Variants in DLG2 observed in about 807,000 individuals in gnomAD.
DLG2 encodes the protein disks large homolog 2.
Under a neutral mutation model 132.5 loss-of-function variants are expected in DLG2, and 45 were observed. That is an observed-to-expected ratio of 0.34 (90% CI 0.27 to 0.44). The LOEUF (loss-of-function observed/expected upper bound fraction) is 0.44. Ranked by LOEUF, DLG2 falls within the 20% of genes least tolerant of loss-of-function variation. The pLI, the probability that DLG2 is intolerant of heterozygous loss-of-function variation, is 1.00. For missense variants in DLG2, 1,045 were observed against 1,196.9 expected (o/e 0.87, Z 1.87); for synonymous variants, 424 against 419.6 (o/e 1.01, Z -0.13).
At chr11:85,611,601 C>T (rs2081003659) in intron 2 of DLG2, among the ~76,000 whole-genome samples, 1 of 152,234 alleles carries the variant, frequency 6.6e-6, no homozygotes, top group African/African-American at 2.4e-5. Context: ...ACCTCTTCCC[C>T]CAGGGACCAG....
chr11:85,139,617 C>G (rs1299990640), intron 5 of DLG2, among the ~76,000 whole-genome samples: 1 of 151,614 alleles, frequency 6.6e-6, no homozygotes, highest in African/African-American at 2.4e-5. Flanking sequence ...ATATAGTTAC[C>G]CATTTTTTGT....
At chr11:85,353,500 A>G (rs1218764376) in intron 3 of DLG2, among the ~76,000 whole-genome samples, 1 of 152,254 alleles carries the variant, frequency 6.6e-6, no homozygotes, top group African/African-American at 2.4e-5. Context: ...ATATAACCAA[A>G]GGATTATAAA....
At chr11:83,850,168 AC>A (rs2059470497) in intron 16 of DLG2, among the ~76,000 whole-genome samples, 36 of 145,526 alleles carry the variant, frequency 2.5e-4, no homozygotes, top group South Asian at 2.3e-3. Context: ...GTGTTTTTTT[AC>A]TTGAGACGGA....
At chr11:83,527,225 C>T (rs192608819) in intron 21 of DLG2, among the ~76,000 whole-genome samples, 1 of 152,276 alleles carries the variant, frequency 6.6e-6, no homozygotes, top group East Asian at 1.9e-4. Flanking sequence ...CAAAGCTAAA[C>T]CCAGTTCAAT....
intron 19 of DLG2, among the ~76,000 whole-genome samples, chr11:83,576,593 A>C (rs1314690883): frequency 2.6e-5 from 4 of 152,230 alleles, no homozygotes; most frequent in Non-Finnish European, 4.4e-5. Flanking sequence ...GCTTCTCATC[A>C]GAAACAACAT....
At chr11:83,854,483 A>C (rs1241675383) in intron 16 of DLG2, among the ~76,000 whole-genome samples, 4 of 152,286 alleles carry the variant, frequency 2.6e-5, no homozygotes, top group South Asian at 4.2e-4. Context: ...TAATCAAGAC[A>C]GTATGGTATT....
rs186642588 is a variant in DLG2, at chr11:83,628,828, T to G, written c.1940+4383A>C. On this transcript the variant is annotated intron_variant, in intron 19 of 27. Transcript: ENST00000376104. Reference sequence around the variant, plus strand: ...TCTTGTCTATTCCATCTGTAAGCCGTAAATCATGACCCATTAGTGAGTTAT... The same window carrying G: ...TCTTGTCTATTCCATCTGTAAGCCGGAAATCATGACCCATTAGTGAGTTAT... 1.2e-3 allele frequency among the ~76,000 whole-genome samples: 190 copies of G among 152,276 alleles called. 1 individual carries two copies. The highest frequency in any genetic ancestry group is 4.4e-3 in the African/African-American group (183 of 41,560).
intron 9 of DLG2, among the ~76,000 whole-genome samples, chr11:84,152,312 G>A (rs1358205613): frequency 7.2e-6 from 1 of 139,282 alleles, no homozygotes; most frequent in Non-Finnish European, 1.6e-5. Context: ...TGTCACTTTT[G>A]ACTTGTTATT....
chr11:84,376,668 C>T (rs2098730318), intron 7 of DLG2, among the ~76,000 whole-genome samples: 1 of 151,478 alleles, frequency 6.6e-6, no homozygotes, highest in Non-Finnish European at 1.5e-5. Flanking sequence ...TATAAAAACA[C>T]CTTGAAGCTT....
intron 18 of DLG2, among the ~76,000 whole-genome samples, chr11:83,723,780 T>C (rs1242436618): frequency 6.6e-6 from 1 of 150,706 alleles, no homozygotes; most frequent in African/African-American, 2.4e-5. Context: ...CACTTGAACC[T>C]GGGAGGCGGA....
intron 3 of DLG2, among the ~76,000 whole-genome samples, chr11:85,457,253 G>C (rs944964682): frequency 6.7e-6 from 1 of 150,128 alleles, no homozygotes; most frequent in Non-Finnish European, 1.5e-5. Flanking sequence ...GTCAACCCCT[G>C]CTTTTCCATT....
intron 21 of DLG2, among the ~76,000 whole-genome samples, chr11:83,516,853 C>T (rs1354558132): frequency 2.0e-5 from 3 of 152,108 alleles, no homozygotes; most frequent in African/African-American, 7.2e-5. Context: ...AATATTGGGC[C>T]CGTCTCTCTT....
chr11:85,540,571 CAT>C (rs2075898799), intron 3 of DLG2, among the ~76,000 whole-genome samples: 1 of 152,236 alleles, frequency 6.6e-6, no homozygotes, highest in Non-Finnish European at 1.5e-5. Flanking sequence ...TCCAAGCCCA[CAT>C]GTGATTCAAT....
intron 3 of DLG2, among the ~76,000 whole-genome samples, chr11:85,432,142 A>G (rs1357580549): frequency 6.6e-6 from 1 of 152,228 alleles, no homozygotes. Context: ...ATCAATGATA[A>G]AAGTCCCCCA....
At chr11:84,506,121 G>T (rs2099239548) in intron 7 of DLG2, among the ~76,000 whole-genome samples, 1 of 121,524 alleles carries the variant, frequency 8.2e-6, no homozygotes, top group Non-Finnish European at 1.6e-5. Context: ...TGTCGCCCAG[G>T]CTGGAGTGCA....
At chr11:85,094,879 C>T (rs562664054) in intron 6 of DLG2, among the ~76,000 whole-genome samples, 2 of 152,282 alleles carry the variant, frequency 1.3e-5, no homozygotes, top group South Asian at 2.1e-4. Context: ...TTTCAACATG[C>T]CTTCCTCACT....
At chr11:85,043,792 A>T (rs1408459784) in intron 6 of DLG2, among the ~76,000 whole-genome samples, 1 of 151,972 alleles carries the variant, frequency 6.6e-6, no homozygotes, top group African/African-American at 2.4e-5. Flanking sequence ...GTGATTCAAT[A>T]CACAATGAAA....
rs557815185 is a variant in DLG2 at position 84,971,364 on chromosome 11, TA to T, written c.357+140296del. 1.1e-3 allele frequency among the ~76,000 whole-genome samples: 169 copies of T among 152,342 alleles called. 1 individual carries two copies. Among genetic ancestry groups the T allele is most frequent in the African/African-American group, 3.9e-3 (164 of 41,582 alleles). On this transcript the variant is annotated intron_variant, in intron 6 of 27. Coordinates refer to ENST00000376104, the MANE Select transcript of DLG2 (RefSeq NM_001142699.3). ...AGGATGAAAAAGTAAGATGATGTGT[TA>T]AAAATCTGCTCTAAAATTTATGTAA...
chr11:84,420,284 G>T (rs1225701829), intron 7 of DLG2, among the ~76,000 whole-genome samples: 3 of 152,200 alleles, frequency 2.0e-5, no homozygotes, highest in African/African-American at 7.2e-5. Context: ...CGCACTTTAT[G>T]TTAGACAGCA....
Sources: gnomAD v4.1 joint callset for allele counts (sites outside exome capture counted in the v4.1 genomes callset) on GRCh38, gnomAD v4.1.1 for gene constraint, MANE v1.5 for transcripts, NCBI Gene and HGNC (gene_info 2026-07-23, HGNC 2026-07-21) for gene names.